The following TBPL2 variants were observed in gnomAD, a reference collection of about 807,000 sequenced individuals.
TBPL2 encodes TATA-box binding protein like 2.
A neutral mutation model predicts 38.2 loss-of-function variants in TBPL2; 40 were observed. The ratio of observed to expected loss-of-function variants is 1.05; its 90% CI spans 0.81 to 1.36. The LOEUF (loss-of-function observed/expected upper bound fraction) is 1.36. Ranked by LOEUF, TBPL2 falls within the 40% of genes most tolerant of loss-of-function variation. The probability of loss-of-function intolerance (pLI) is 0.00; values close to 1 mark genes in which losing one functional copy is unlikely to be tolerated. For synonymous variants in TBPL2, 169 were observed against 171.7 expected (o/e 0.98, Z 0.12); for missense variants, 461 against 456.7 (o/e 1.01, Z -0.09).
chr14:55,424,764 G>A (rs1211533044), intron 5 of TBPL2, among the ~76,000 whole-genome samples: 2 of 152,070 alleles, frequency 1.3e-5, no homozygotes, highest in Non-Finnish European at 2.9e-5. Flanking sequence ...CAATTATCCC[G>A]AGTTTTTACA....
At chr14:55,417,756 A>G (rs756675929) in intron 6 of TBPL2, among the ~76,000 whole-genome samples, 13 of 152,162 alleles carry the variant, frequency 8.5e-5, no homozygotes, top group Non-Finnish European at 1.5e-4. Context: ...CTTTTAAGCA[A>G]AACTTACCAT....
chr14:55,436,635 C>T, exon 2 of TBPL2: 1 of 1,614,148 alleles, frequency 6.2e-7, no homozygotes, highest in Non-Finnish European at 8.5e-7. Flanking sequence ...ATGCCAGAGA[C>T]AAGGAGTCGG....
At chr14:55,423,040 T>C (rs1203491302) in intron 6 of TBPL2, among the ~76,000 whole-genome samples, 12 of 152,206 alleles carry the variant, frequency 7.9e-5, no homozygotes. Flanking sequence ...AATAGTATTA[T>C]AGTAAACTCA....
exon 7 of TBPL2, chr14:55,414,322 G>A (rs757383289): frequency 1.4e-4 from 185 of 1,294,860 alleles, no homozygotes; most frequent in Non-Finnish European, 2.0e-4. Context: ...AGCTGTTTCT[G>A]TGCTGGGCTT....
At chr14:55,419,627 C>T (rs1885714402) in intron 6 of TBPL2, among the ~76,000 whole-genome samples, 1 of 152,168 alleles carries the variant, frequency 6.6e-6, no homozygotes, top group Non-Finnish European at 1.5e-5. Flanking sequence ...GCTTACTTGA[C>T]TATAATTAGG....
intron 3 of TBPL2, among the ~76,000 whole-genome samples, chr14:55,435,274 T>G (rs1158776299): frequency 7.0e-6 from 1 of 143,152 alleles, no homozygotes; most frequent in African/African-American, 2.9e-5. Context: ...AATAGTCAGG[T>G]GAAATTTTTT....
chr14:55,435,678 G>A (rs1886001101), intron 3 of TBPL2, among the ~76,000 whole-genome samples, 169 bp downstream of exon 3: 1 of 152,160 alleles, frequency 6.6e-6, no homozygotes, highest in Non-Finnish European at 1.5e-5. Context: ...CATAAAGAAT[G>A]AGATTATTTT....
intron 4 of TBPL2, among the ~76,000 whole-genome samples, chr14:55,431,796 A>C (rs1234483272): frequency 1.3e-5 from 2 of 152,206 alleles, no homozygotes; most frequent in African/African-American, 4.8e-5. Flanking sequence ...TGCTCTGTCC[A>C]ATTAATATAA....
intron 5 of TBPL2, 63 bp downstream of exon 5, chr14:55,428,744 C>A: frequency 6.7e-7 from 1 of 1,489,790 alleles, no homozygotes; most frequent in Non-Finnish European, 9.1e-7. Flanking sequence ...TTTACGTAAG[C>A]AACCCATAAT....
intron 6 of TBPL2, among the ~76,000 whole-genome samples, chr14:55,414,774 G>C (rs1885644512): frequency 6.6e-6 from 1 of 152,082 alleles, no homozygotes; most frequent in Non-Finnish European, 1.5e-5. Flanking sequence ...CAGCACCTGC[G>C]GGCACTTAGC....
At chr14:55,415,462 A>G (rs1885654384) in intron 6 of TBPL2, among the ~76,000 whole-genome samples, 1 of 152,208 alleles carries the variant, frequency 6.6e-6, no homozygotes, top group Non-Finnish European at 1.5e-5. Context: ...AATACACCCC[A>G]AATTGAAAAC....
chr14:55,440,510 C>T, exon 1 of TBPL2: 1 of 1,611,296 alleles, frequency 6.2e-7, no homozygotes, highest in Non-Finnish European at 8.5e-7. Flanking sequence ...GAGCGAGCAG[C>T]CTCGGAACCC....
chr14:55,414,946 G>T (rs563834226), intron 6 of TBPL2, among the ~76,000 whole-genome samples: 3 of 152,224 alleles, frequency 2.0e-5, no homozygotes, highest in African/African-American at 7.2e-5. Context: ...CATGGGAAGG[G>T]ATTATTAGAG....
chr14:55,429,104 T>C, intron 4 of TBPL2, 130 bp from the exon 5 acceptor site: 1 of 1,127,384 alleles, frequency 8.9e-7, no homozygotes, highest in Non-Finnish European at 1.2e-6. Context: ...GTAGGCTTTG[T>C]GAGGAGGACT....
At chr14:55,430,243 C>T (rs1885903911) in intron 4 of TBPL2, among the ~76,000 whole-genome samples, 3 of 152,014 alleles carry the variant, frequency 2.0e-5, no homozygotes, top group Non-Finnish European at 2.9e-5. Context: ...AAATCAGAAA[C>T]ACCTGAAAGA....
chr14:55,436,671 G>T, exon 2 of TBPL2: 1 of 1,614,220 alleles, frequency 6.2e-7, no homozygotes, highest in Non-Finnish European at 8.5e-7. Context: ...GAGAGGGCTG[G>T]ACTGAGTCAG....
chr14:55,420,026 C>T (rs1594789413), intron 6 of TBPL2, among the ~76,000 whole-genome samples: 1 of 152,202 alleles, frequency 6.6e-6, no homozygotes, highest in Non-Finnish European at 1.5e-5. Context: ...GCCTTGGTTC[C>T]TTTCCTGAGG....
At chr14:55,436,051 T>A in intron 2 of TBPL2, 117 bp from the exon 3 acceptor site, 1 of 581,432 alleles carries the variant, frequency 1.7e-6, no homozygotes, top group Non-Finnish European at 2.9e-6. Context: ...GGGGGAGAAT[T>A]ATTCCAAATG....
intron 6 of TBPL2, among the ~76,000 whole-genome samples, chr14:55,419,097 G>C (rs760880915): frequency 2.6e-5 from 4 of 152,242 alleles, no homozygotes; most frequent in Admixed American, 6.5e-5. Flanking sequence ...AGCTGACAAG[G>C]AGAATTAAGA....
Sources: allele counts gnomAD v4.1 joint callset (sites outside exome capture counted in the v4.1 genomes callset), GRCh38; gene constraint gnomAD v4.1.1; transcripts MANE v1.5; gene names NCBI Gene and HGNC (gene_info 2026-07-23, HGNC 2026-07-21).